The following NRXN1 variants were observed in gnomAD, a reference collection of about 807,000 sequenced individuals.
NRXN1 encodes neurexin 1.
In NRXN1, 39 loss-of-function variants were observed where a neutral mutation model predicts 150.9. That is an observed-to-expected ratio of 0.26 (90% CI 0.20 to 0.34). The LOEUF is 0.34. Among genes scored for constraint, NRXN1 ranks in the 10% least tolerant of loss-of-function variants. The pLI is 1.00. For missense variants in NRXN1, 1,815 were observed against 1,949.9 expected (o/e 0.93, Z 1.30); for synonymous variants, 924 against 757.0 (o/e 1.22, Z -3.62).
At chr2:50,044,182 G>T (rs190899213) in intron 21 of NRXN1, among the ~76,000 whole-genome samples, 2 of 152,294 alleles carry the variant, frequency 1.3e-5, no homozygotes, top group African/African-American at 4.8e-5. Context: ...CCATGTCGCA[G>T]TTAAACATTG....
chr2:50,102,727 A>T (rs9808289), intron 18 of NRXN1, among the ~76,000 whole-genome samples: 91,816 of 151,764 alleles, frequency 0.6, 28,721 homozygotes, highest in African/African-American at 0.74. Flanking sequence ...AATAATGAAC[A>T]TTTAGCATTT....
chr2:49,956,997 A>G (rs1418091826), intron 21 of NRXN1, among the ~76,000 whole-genome samples: 1 of 152,112 alleles, frequency 6.6e-6, no homozygotes, highest in Non-Finnish European at 1.5e-5. Context: ...GGTGAGTTGG[A>G]ACTGATGAAA....
chr2:50,981,818 AATGTGTGTGTGTGTGTGTGTGTGT>A (rs1696862483), intron 2 of NRXN1, among the ~76,000 whole-genome samples: 1 of 117,422 alleles, frequency 8.5e-6, no homozygotes, highest in Non-Finnish European at 1.8e-5. Flanking sequence ...TTGAATAAAC[AATGTGTGTGTGTGTGTGTGTGTGT>A]ATGTGTGTGT....
chr2:50,072,999 A>G (rs1329913529), intron 19 of NRXN1, among the ~76,000 whole-genome samples: 1 of 152,214 alleles, frequency 6.6e-6, no homozygotes, highest in Non-Finnish European at 1.5e-5. Flanking sequence ...AAAAATGCTT[A>G]TGAAAAGGGA....
chr2:50,524,568 G>T (rs983561154), intron 12 of NRXN1, among the ~76,000 whole-genome samples: 1 of 151,662 alleles, frequency 6.6e-6, no homozygotes, highest in African/African-American at 2.4e-5. Flanking sequence ...GAACAAGAAG[G>T]TCATTCCGTA....
chr2:50,613,636 T>G (rs1678549784), intron 8 of NRXN1, among the ~76,000 whole-genome samples: 1 of 152,144 alleles, frequency 6.6e-6, no homozygotes, highest in South Asian at 2.1e-4. Flanking sequence ...TAGCAAAATC[T>G]ATCTTAAAAT....
intron 8 of NRXN1, chr2:50,619,282 T>C (rs1255624977): frequency 6.6e-6 from 1 of 152,110 alleles, no homozygotes; most frequent in Admixed American, 6.6e-5. Context: ...AGAAATTGGA[T>C]TGTGTCTGAA....
chr2:50,653,163 C>T (rs1461470015), intron 5 of NRXN1, among the ~76,000 whole-genome samples: 1 of 151,946 alleles, frequency 6.6e-6, no homozygotes, highest in Non-Finnish European at 1.5e-5. Context: ...GTTACTGATA[C>T]CATATGTTAA....
At chr2:50,753,611 GTTATC>G (rs968249745) in intron 5 of NRXN1, among the ~76,000 whole-genome samples, 2 of 151,742 alleles carry the variant, frequency 1.3e-5, no homozygotes, top group African/African-American at 4.8e-5. Context: ...ACCATTTCTA[GTTATC>G]TTTTCTCTTC....
At chr2:50,712,087 T>TA (rs1234206279) in intron 5 of NRXN1, among the ~76,000 whole-genome samples, 1 of 152,182 alleles carries the variant, frequency 6.6e-6, no homozygotes, top group Non-Finnish European at 1.5e-5. Flanking sequence ...TTCTTCTTAA[T>TA]ACTTACATCT....
At chr2:50,144,871 A>AGGGGTTT (rs1436425579) in intron 18 of NRXN1, among the ~76,000 whole-genome samples, 173 of 151,876 alleles carry the variant, frequency 1.1e-3, no homozygotes, top group African/African-American at 4.0e-3. Context: ...ATATTTACCT[A>AGGGGTTT]TAACCAAGGT....
intron 5 of NRXN1, among the ~76,000 whole-genome samples, chr2:50,897,247 A>G (rs1478091991): frequency 6.6e-6 from 1 of 152,200 alleles, no homozygotes; most frequent in Admixed American, 6.5e-5. Context: ...GGTTATGAGG[A>G]TAAATGAGAT....
chr2:49,997,848 C>T (rs1013203275), intron 21 of NRXN1, among the ~76,000 whole-genome samples: 2 of 151,964 alleles, frequency 1.3e-5, no homozygotes, highest in South Asian at 2.1e-4. Context: ...GAAGCTGGGC[C>T]GCCGGGGTGC....
intron 15 of NRXN1, among the ~76,000 whole-genome samples, chr2:50,493,545 A>G (rs1203257418): frequency 6.6e-6 from 1 of 152,104 alleles, no homozygotes; most frequent in Non-Finnish European, 1.5e-5. Flanking sequence ...ATGCTCCATA[A>G]ATACTCATGC....
chr2:50,016,483 G>C (rs1686632109), intron 21 of NRXN1: 1 of 152,170 alleles, frequency 6.6e-6, no homozygotes, highest in Non-Finnish European at 1.5e-5. Flanking sequence ...AAGGAAAGAG[G>C]TTTAATTTAC....
At chr2:50,305,717 ATAT>A (rs1161266757) in intron 17 of NRXN1, among the ~76,000 whole-genome samples, 1 of 152,214 alleles carries the variant, frequency 6.6e-6, no homozygotes, top group Admixed American at 6.5e-5. Flanking sequence ...ATTCTCATTA[ATAT>A]TATCAAAGTC....
chr2:50,047,487 T>C (rs913896171), intron 21 of NRXN1, among the ~76,000 whole-genome samples: 6 of 152,112 alleles, frequency 3.9e-5, no homozygotes, highest in African/African-American at 1.4e-4. Flanking sequence ...TTGCTTTTGA[T>C]CTTTTCTCTG....
At chr2:50,860,441 G>A (rs1026677594) in intron 5 of NRXN1, among the ~76,000 whole-genome samples, 1 of 152,104 alleles carries the variant, frequency 6.6e-6, no homozygotes, top group Non-Finnish European at 1.5e-5. Flanking sequence ...GGTGCGACCT[G>A]CAGAGGTCCT....
In NRXN1 at chr2:50,818,507, T is replaced by C. The variant is rs1424081267; in HGVS notation, c.832+103362A>G. Among the ~76,000 whole-genome samples the C allele has an allele frequency of 3.3e-5, 5 of 151,962 alleles. No individual in the cohort carries two copies. In the South Asian group the frequency reaches 1.0e-3, roughly 31 times the overall value. ...GCAAAAGATTGAAACTGGATCCTTA[T>C]CTTACACACAAAAATCAACTCATAA... On this transcript the variant is annotated intron_variant, in intron 5 of 22. Transcript: ENST00000401669.
Sources: gnomAD v4.1 joint callset for allele counts (sites outside exome capture counted in the v4.1 genomes callset) on GRCh38, gnomAD v4.1.1 for gene constraint, MANE v1.5 for transcripts, NCBI Gene and HGNC (gene_info 2026-07-23, HGNC 2026-07-21) for gene names.